The following CCDC61 variants were observed in gnomAD, a reference collection of about 807,000 sequenced individuals.
CCDC61 encodes the protein centrosomal protein CCDC61.
Under a neutral mutation model 63.0 loss-of-function variants are expected in CCDC61, and 55 were observed. The observed-to-expected ratio is 0.87, with a 90% confidence interval of 0.70 to 1.09. The LOEUF (loss-of-function observed/expected upper bound fraction) is 1.09, where lower values mean the gene tolerates loss of function less well. CCDC61 is among the 50% of genes least tolerant of loss of function. The pLI, the probability that CCDC61 is intolerant of heterozygous loss-of-function variation, is 0.00. For synonymous variants in CCDC61, 270 were observed against 317.0 expected (o/e 0.85, Z 1.58); for missense variants, 651 against 731.4 (o/e 0.89, Z 1.27).
chr19:46,004,691 C>T (rs1291901008), intron 3 of CCDC61, among the ~76,000 whole-genome samples: 1 of 152,036 alleles, frequency 6.6e-6, no homozygotes, highest in African/African-American at 2.4e-5. Context: ...TCTTGAATAC[C>T]TGATCTCAAG....
Position 46,003,515 on chromosome 19 carries a change from T to C in CCDC61, c.231+14T>C. 1 of 889,588 alleles carries C rather than the reference T, an allele frequency of 1.1e-6. No individual in the cohort carries two copies. The allele number at this position is 889,588 out of a possible 1,614,324, so 55.1% of individuals were successfully genotyped here. The stretch of plus-strand genomic sequence containing the variant: ...GCCCTCACTCAGGTAGGGCCCGGGT[T>C]GGCGGGTTGGGGTGGGAGGGGGGTT... On this transcript the variant is annotated intron_variant, in intron 3 of 13. Transcript: ENST00000595358.
chr19:46,008,311 G>A lies in CCDC61; in HGVS notation c.551+10G>A, dbSNP rs1298400559. ...GGCATCTGCGGGAGCAGTGAGTCTTGGAGGGGTGGGCAGCTGGGGCGGGTG... is the reference window on the plus strand; with the variant it reads ...GGCATCTGCGGGAGCAGTGAGTCTTAGAGGGGTGGGCAGCTGGGGCGGGTG... On this transcript the variant is annotated intron_variant, in intron 5 of 13. Transcript: ENST00000595358. 2 of 1,484,096 alleles carry A rather than the reference G, an allele frequency of 1.3e-6. No individual in the cohort carries two copies. Among genetic ancestry groups the A allele is most frequent in the Non-Finnish European group, 1.9e-6 (2 of 1,077,762 alleles). 91.9% of individuals were successfully genotyped at this position (1,484,096 alleles called of 1,614,324 possible). A position where few individuals can be genotyped will look rare whatever the true frequency, so the allele number is the denominator to read the frequency against.
At position 46,015,955 on chromosome 19, in the gene CCDC61, G is replaced by A; in HGVS notation, c.846-99G>A. 1.9e-6 allele frequency: 2 copies of A among 1,056,788 alleles called. No homozygotes were observed. The highest frequency in any genetic ancestry group is 1.6e-5 in the African/African-American group (1 of 60,652). 65.5% of individuals were successfully genotyped at this position (1,056,788 alleles called of 1,614,324 possible). On this transcript the variant is annotated intron_variant, in intron 7 of 13. Coordinates refer to ENST00000595358, the MANE Select transcript of CCDC61 (RefSeq NM_001267723.2). The surrounding 1 kb of genome is among the most constrained non-coding windows in gnomAD (Gnocchi z 5.3). Reference sequence around the variant, plus strand: ...GAGTGCACGTCTAGGAGTTGATGGGGTAGGCCTGAGGGTTCGGAGAAGGTG... The same window carrying A: ...GAGTGCACGTCTAGGAGTTGATGGGATAGGCCTGAGGGTTCGGAGAAGGTG...
At chr19:46,010,247 C>T (rs1233497370) in intron 5 of CCDC61, among the ~76,000 whole-genome samples, 1 of 152,210 alleles carries the variant, frequency 6.6e-6, no homozygotes, top group Admixed American at 6.5e-5. Flanking sequence ...TGAAACTGCC[C>T]AGGGCCACCC....
At chr19:46,014,678 G>C (rs1416526923) in intron 5 of CCDC61, among the ~76,000 whole-genome samples, 2 of 152,220 alleles carry the variant, frequency 1.3e-5, no homozygotes, top group African/African-American at 4.8e-5. Context: ...GCCTGGCGAG[G>C]TGGGAGGAGG....
At position 46,017,005 on chromosome 19, in the gene CCDC61, A is replaced by C. The variant is rs765840978; in HGVS notation, c.1246A>C (p.Ser416Arg). ...NRSSSVDSFR[S>R]RCSSASSCSD... is the part of the protein sequence containing the mutation. ...TCTCCCTCTAGTGGACAGTTTCCGCAGCCGCTGCTCGTCTGCCAGCTCCTG... is the reference window on the plus strand; with the variant it reads ...TCTCCCTCTAGTGGACAGTTTCCGCCGCCGCTGCTCGTCTGCCAGCTCCTG... The change falls in exon 11 of 14, where the codon AGC becomes CGC. Residue 416 changes from serine to arginine, a missense_variant. Transcript: ENST00000595358. The C allele has an allele frequency of 3.6e-5, 58 of 1,611,682 alleles. 1 individual carries two copies. In the South Asian group the frequency reaches 6.2e-4, roughly 17 times the overall value.
At chr19:46,014,964 G>GA in intron 5 of CCDC61, 85 bp from the exon 6 acceptor site, 1 of 1,225,464 alleles carries the variant, frequency 8.2e-7, no homozygotes, top group South Asian at 1.4e-5. Context: ...CCGGGGAGGT[G>GA]AAATGATGAG....
chr19:46,009,725 A>G (rs1968787017), intron 5 of CCDC61, among the ~76,000 whole-genome samples: 1 of 152,036 alleles, frequency 6.6e-6, no homozygotes, highest in Non-Finnish European at 1.5e-5. Flanking sequence ...TCTTTGGAGG[A>G]GCTCGCCTGT....
rs1600654320 is a variant in CCDC61 at position 46,015,495 on chromosome 19, C to T, written c.845+68C>T. 2 of 541,694 alleles carry T rather than the reference C, an allele frequency of 3.7e-6. No homozygotes were observed. The highest frequency in any genetic ancestry group is 3.4e-5 in the African/African-American group (1 of 29,652). The allele number at this position is 541,694 out of a possible 1,614,324, so 33.6% of individuals were successfully genotyped here. On this transcript the variant is annotated intron_variant, in intron 7 of 13. Coordinates refer to ENST00000595358, the MANE Select transcript of CCDC61 (RefSeq NM_001267723.2). This position sits in a 1 kb window ranked among gnomAD's most constrained non-coding sequence, Gnocchi z 5.3. The stretch of plus-strand genomic sequence containing the variant: ...CCTGAGGGTGTGGAGGCTGATGAGG[C>T]GGAGCCTAAGGGGGCGGGGCGGGGC...
intron 1 of CCDC61, among the ~76,000 whole-genome samples, chr19:45,998,196 G>C (rs115060692): frequency 6.6e-6 from 1 of 152,228 alleles, no homozygotes; most frequent in African/African-American, 2.4e-5. Flanking sequence ...TGTGTGGGGT[G>C]GTAGGGTCGG....
Position 46,018,438 on chromosome 19 carries a change from G to A in CCDC61, c.*51G>A, listed in dbSNP as rs1382117282. The A allele has an allele frequency of 6.8e-7, 1 of 1,471,316 alleles. No homozygotes were observed. Among genetic ancestry groups the A allele is most frequent in the Non-Finnish European group, 9.3e-7 (1 of 1,077,714 alleles). The allele number at this position is 1,471,316 out of a possible 1,614,324, so 91.1% of individuals were successfully genotyped here. A position where few individuals can be genotyped will look rare whatever the true frequency, so the allele number is the denominator to read the frequency against. ...ATCCCCCACCCACTTGCTGGGTATGGTGTGGGGGGTGGGGCCAGGGTGGCC... is the reference window on the plus strand; with the variant it reads ...ATCCCCCACCCACTTGCTGGGTATGATGTGGGGGGTGGGGCCAGGGTGGCC... On this transcript the variant is annotated 3_prime_UTR_variant, in exon 14 of 14. Transcript: ENST00000595358. The surrounding 1 kb of genome is among the most constrained non-coding windows in gnomAD (Gnocchi z 4.2).
At chr19:46,010,608 G>T (rs1187290945) in intron 5 of CCDC61, among the ~76,000 whole-genome samples, 7 of 152,214 alleles carry the variant, frequency 4.6e-5, no homozygotes, top group African/African-American at 1.7e-4. Flanking sequence ...GATGGGCAGG[G>T]GCTGAATAGA....
At chr19:46,001,850 CA>C (rs1293947519) in intron 1 of CCDC61, among the ~76,000 whole-genome samples, 2 of 152,220 alleles carry the variant, frequency 1.3e-5, no homozygotes, top group African/African-American at 4.8e-5. Flanking sequence ...ATTAGATTCT[CA>C]AAGGCTCAAG....
intron 5 of CCDC61, 34 bp downstream of exon 5, chr19:46,008,335 T>TGGGGGGGGGGGGGGGGGGGGGGGGGG: frequency 2.0e-6 from 1 of 499,170 alleles, no homozygotes. Context: ...CTGGGGCGGG[T>TGGGGGGGGGGGGGGGGGGGGGGGGGG]GGGGGCCCTC....
rs756662627 is a variant in CCDC61, at chr19:45,995,523, G to A, written c.-12+19G>A. 3.9e-6 allele frequency: 2 copies of A among 515,044 alleles called. No individual in the cohort carries two copies. Among genetic ancestry groups the A allele is most frequent in the Non-Finnish European group, 8.0e-6 (2 of 250,526 alleles). 31.9% of individuals were successfully genotyped at this position (515,044 alleles called of 1,614,324 possible). Reference sequence around the variant, plus strand: ...GGAGAAGGTGAGAGGCCGCGGGAGTGGCGGTTGCGCGGGCCGTGGTGGAGG... The same window carrying A: ...GGAGAAGGTGAGAGGCCGCGGGAGTAGCGGTTGCGCGGGCCGTGGTGGAGG... On this transcript the variant is annotated intron_variant, in intron 1 of 13. Transcript: ENST00000595358.
intron 4 of CCDC61, among the ~76,000 whole-genome samples, chr19:46,007,022 T>G (rs1196692047): frequency 6.6e-6 from 1 of 151,396 alleles, no homozygotes; most frequent in Admixed American, 6.6e-5. Flanking sequence ...TCTTTTTTAT[T>G]TTTTTCCTTT....
chr19:46,008,518 C>T (rs1288642223), intron 5 of CCDC61, among the ~76,000 whole-genome samples: 1 of 152,224 alleles, frequency 6.6e-6, no homozygotes, highest in Non-Finnish European at 1.5e-5. Flanking sequence ...AAGCGATTCT[C>T]CTGTCTCAGC....
At chr19:46,000,978 G>C (rs1226632521) in intron 1 of CCDC61, among the ~76,000 whole-genome samples, 1 of 151,894 alleles carries the variant, frequency 6.6e-6, no homozygotes, top group East Asian at 1.9e-4. Context: ...CCGGGAGTTG[G>C]GGACCACGAG....
chr19:45,995,903 G>A (rs1014434373), intron 1 of CCDC61, among the ~76,000 whole-genome samples: 1 of 152,156 alleles, frequency 6.6e-6, no homozygotes, highest in Non-Finnish European at 1.5e-5. Context: ...TATTGAGGAA[G>A]GGAGGGAAGG....
Sources: gnomAD v4.1 joint callset for allele counts (sites outside exome capture counted in the v4.1 genomes callset) on GRCh38, gnomAD v4.1.1 for gene constraint, Gnocchi (gnomAD v3.1) non-coding constraint, MANE v1.5 for transcripts, NCBI Gene and HGNC (gene_info 2026-07-23, HGNC 2026-07-21) for gene names.